Variants in SLC25A48 observed in about 807,000 individuals in gnomAD.
SLC25A48 encodes solute carrier family 25 member 48, also known as CTC-321K16.1.
Under a neutral mutation model 32.2 loss-of-function variants are expected in SLC25A48, and 29 were observed. The ratio of observed to expected loss-of-function variants is 0.90; its 90% CI spans 0.67 to 1.23. SLC25A48 has a LOEUF of 1.23. SLC25A48 is among the 50% of genes most tolerant of loss of function. SLC25A48 has a pLI of 0.00. For missense variants in SLC25A48, 399 were observed against 422.7 expected (o/e 0.94, Z 0.49); for synonymous variants, 164 against 172.3 (o/e 0.95, Z 0.38).
chr5:135,871,683 G>A lies in SLC25A48; in HGVS notation c.644G>A (p.Ser215Asn), dbSNP rs1025770321. 2.5e-6 allele frequency: 4 copies of A among 1,613,954 alleles called. No individual in the cohort carries two copies. Among genetic ancestry groups the A allele is most frequent in the Middle Eastern group, 1.6e-4 (1 of 6,084 alleles). The change falls in exon 5 of 8, where the codon AGC becomes AAC. Residue 215 changes from serine (S) to asparagine (N), a missense_variant. By Grantham distance (46) the Ser-to-Asn change is conservative (BLOSUM62 1). Transcript: ENST00000681962. ...WITPEACTGP[S>N]PCAVWLAGGM... Reference sequence around the variant, plus strand: ...ACACCTGAGGCCTGCACAGGCCCCAGCCCCTGTGCCGTGTGGCTGGCGGGC... The same window carrying A: ...ACACCTGAGGCCTGCACAGGCCCCAACCCCTGTGCCGTGTGGCTGGCGGGC...
intron 4 of SLC25A48, among the ~76,000 whole-genome samples, chr5:135,862,885 T>G (rs1760911797): frequency 6.6e-6 from 1 of 152,108 alleles, no homozygotes; most frequent in Non-Finnish European, 1.5e-5. Flanking sequence ...ATTTCTTCGC[T>G]GAGGATAGGC....
chr5:135,609,590 C>T (rs1752018712), intron 1 of SLC25A48: 1 of 152,174 alleles, frequency 6.6e-6, no homozygotes, highest in African/African-American at 2.4e-5. Flanking sequence ...TGTAGAGTTG[C>T]AGAACCATAT....
intron 3 of SLC25A48, among the ~76,000 whole-genome samples, chr5:135,786,757 G>A (rs371756354): frequency 6.6e-5 from 10 of 152,158 alleles, no homozygotes; most frequent in African/African-American, 2.4e-4. Context: ...GTCGCAGTGG[G>A]TGTACACCCT....
At chr5:135,632,280 G>A (rs1327209029) in intron 2 of SLC25A48, among the ~76,000 whole-genome samples, 2 of 152,190 alleles carry the variant, frequency 1.3e-5, no homozygotes, top group Non-Finnish European at 2.9e-5. Context: ...TGTCTTAGAA[G>A]ACTGACTCAG....
At chr5:135,764,856 G>T (rs911419581) in intron 3 of SLC25A48, among the ~76,000 whole-genome samples, 4 of 150,644 alleles carry the variant, frequency 2.7e-5, no homozygotes, top group Non-Finnish European at 4.4e-5. Flanking sequence ...GAGGGAGAGG[G>T]TAATATTACT....
At chr5:135,880,918 G>C (rs183323188) in intron 7 of SLC25A48, among the ~76,000 whole-genome samples, 1 of 152,020 alleles carries the variant, frequency 6.6e-6, no homozygotes, top group East Asian at 1.9e-4. Flanking sequence ...AGGGTGAGTC[G>C]CGCCTTCTGC....
intron 3 of SLC25A48, among the ~76,000 whole-genome samples, chr5:135,749,566 C>A (rs1054552586): frequency 6.6e-6 from 1 of 151,810 alleles, no homozygotes; most frequent in African/African-American, 2.4e-5. Flanking sequence ...AGGACCACTT[C>A]TTTTTTTATT....
intron 3 of SLC25A48, among the ~76,000 whole-genome samples, chr5:135,657,871 A>G (rs1032870393): frequency 1.3e-5 from 2 of 152,162 alleles, no homozygotes; most frequent in Non-Finnish European, 2.9e-5. Context: ...CGTAATTTAG[A>G]TGGAGAACTC....
chr5:135,693,830 C>T (rs1201590815), intron 3 of SLC25A48, among the ~76,000 whole-genome samples: 2 of 152,214 alleles, frequency 1.3e-5, no homozygotes, highest in African/African-American at 4.8e-5. Context: ...ATGAGGCCTG[C>T]TGGGTCCCTG....
At chr5:135,691,718 G>T (rs1442456414) in intron 3 of SLC25A48, among the ~76,000 whole-genome samples, 2 of 152,188 alleles carry the variant, frequency 1.3e-5, no homozygotes, top group Non-Finnish European at 2.9e-5. Flanking sequence ...TAAAACCAAA[G>T]ATGCTGGATT....
At chr5:135,745,042 C>T (rs566347327) in intron 3 of SLC25A48, among the ~76,000 whole-genome samples, 20 of 152,224 alleles carry the variant, frequency 1.3e-4, no homozygotes, top group Non-Finnish European at 2.2e-4. Flanking sequence ...GAGACCAGCT[C>T]GGTTGTGGAG....
chr5:135,660,710 A>C (rs559501252), intron 3 of SLC25A48, among the ~76,000 whole-genome samples: 12 of 152,208 alleles, frequency 7.9e-5, no homozygotes, highest in African/African-American at 2.9e-4. Flanking sequence ...CTGAGTTAAT[A>C]GATCTAAGTA....
chr5:135,683,098 C>T (rs979679492), intron 3 of SLC25A48, among the ~76,000 whole-genome samples: 5 of 152,188 alleles, frequency 3.3e-5, no homozygotes, highest in Non-Finnish European at 5.9e-5. Flanking sequence ...GTTAACACTG[C>T]TTCCATTTGT....
chr5:135,816,838 C>T (rs899469670), intron 4 of SLC25A48, among the ~76,000 whole-genome samples: 1 of 152,264 alleles, frequency 6.6e-6, no homozygotes, highest in East Asian at 1.9e-4. Context: ...CCTAAAATTA[C>T]CTCAGCTTTC....
At chr5:135,800,686 C>T (rs1167342315) in intron 3 of SLC25A48, among the ~76,000 whole-genome samples, 1 of 151,910 alleles carries the variant, frequency 6.6e-6, no homozygotes. Context: ...TGAGTGTACA[C>T]CCCCCTGGGA....
At chr5:135,843,091 T>C (rs1390247300) in intron 2 of SLC25A48, among the ~76,000 whole-genome samples, 1 of 152,224 alleles carries the variant, frequency 6.6e-6, no homozygotes, top group African/African-American at 2.4e-5. Flanking sequence ...CTCTCCTAGG[T>C]CAGGGCCCAT....
At chr5:135,631,730 G>A (rs1450100253) in intron 2 of SLC25A48, among the ~76,000 whole-genome samples, 3 of 152,214 alleles carry the variant, frequency 2.0e-5, no homozygotes, top group Non-Finnish European at 4.4e-5. Context: ...CTACTCCAGA[G>A]GGGAGAATCT....
chr5:135,832,218 C>A (rs1025766852), upstream of SLC25A48, among the ~76,000 whole-genome samples: 2 of 152,058 alleles, frequency 1.3e-5, no homozygotes, highest in South Asian at 4.2e-4. Context: ...ATGGGAGGTA[C>A]GGGTGGGTGA....
At chr5:135,841,261 T>G (rs1758963403) in intron 1 of SLC25A48, among the ~76,000 whole-genome samples, 1 of 152,238 alleles carries the variant, frequency 6.6e-6, no homozygotes. Flanking sequence ...TAAAATTATT[T>G]TAGTCAGTTG....
Sources: gnomAD v4.1 joint callset for allele counts (sites outside exome capture counted in the v4.1 genomes callset) on GRCh38, gnomAD v4.1.1 for gene constraint, MANE v1.5 for transcripts, NCBI Gene and HGNC (gene_info 2026-07-23, HGNC 2026-07-21) for gene names.